The following GNAZ variants were observed in gnomAD, a reference collection of about 807,000 sequenced individuals.
GNAZ encodes the protein G protein subunit alpha z.
Under a neutral mutation model 25.4 loss-of-function variants are expected in GNAZ, and 3 were observed. The observed-to-expected ratio is 0.12, with a 90% CI of 0.05 to 0.30. The LOEUF (loss-of-function observed/expected upper bound fraction) is 0.30. Ranked by LOEUF, GNAZ falls within the 10% of genes least tolerant of loss-of-function variation. The pLI is 1.00. For missense variants in GNAZ, 241 were observed against 501.8 expected (o/e 0.48, Z 4.97); for synonymous variants, 211 against 205.7 (o/e 1.03, Z -0.22).
chr22:23,108,233 C>T (rs958037912), intron 2 of GNAZ, among the ~76,000 whole-genome samples: 1 of 152,248 alleles, frequency 6.6e-6, no homozygotes, highest in African/African-American at 2.4e-5. Flanking sequence ...CCATCCACCC[C>T]GTGCTGGGCA....
chr22:23,110,749 A>G (rs921664662), intron 2 of GNAZ, among the ~76,000 whole-genome samples: 1 of 152,186 alleles, frequency 6.6e-6, no homozygotes, highest in African/African-American at 2.4e-5. Flanking sequence ...GTCTGCAGAG[A>G]GTTCATGCCA....
chr22:23,116,532 G>A (rs2069840910), intron 2 of GNAZ, among the ~76,000 whole-genome samples: 1 of 152,238 alleles, frequency 6.6e-6, no homozygotes, highest in Admixed American at 6.5e-5. Flanking sequence ...CAGGACACCT[G>A]TGGTGGCCTG....
At chr22:23,112,513 G>A (rs979351695) in intron 2 of GNAZ, among the ~76,000 whole-genome samples, 5 of 152,162 alleles carry the variant, frequency 3.3e-5, no homozygotes, top group Admixed American at 2.0e-4. Flanking sequence ...GACACAGCAG[G>A]TCTGTGGCCA....
intron 1 of GNAZ, among the ~76,000 whole-genome samples, chr22:23,081,845 G>T (rs887738493): frequency 1.5e-5 from 2 of 130,576 alleles, no homozygotes; most frequent in Non-Finnish European, 1.6e-5. Flanking sequence ...AAAAAAAAAG[G>T]CCAGGCGCAG....
chr22:23,081,821 CAAAAAAAAAA>C (rs55713577), intron 1 of GNAZ, among the ~76,000 whole-genome samples: 1 of 46,746 alleles, frequency 2.1e-5, no homozygotes, highest in Non-Finnish European at 3.8e-5. Context: ...GATTCCATCT[CAAAAAAAAAA>C]AAAAAAAAAA....
In GNAZ at chr22:23,095,706, G is replaced by T; in HGVS notation, c.11G>T (p.Arg4Leu). 6.2e-7 allele frequency: 1 copy of T among 1,605,996 alleles called. No homozygotes were observed. Among genetic ancestry groups the T allele is most frequent in the South Asian group, 1.1e-5 (1 of 90,426 alleles). MGC[R>L]QSSEEKEAAR... ...CGCTGCTGCCAGACCATGGGATGTC[G>T]GCAAAGCTCAGAGGAAAAAGAAGCA... is the stretch of plus-strand genomic sequence containing the variant. The change falls in exon 2 of 3, where the codon CGG (arginine) becomes CTG (leucine). Residue 4 changes from arginine (R) to leucine (L), a missense_variant. By Grantham distance (102) the Arg-to-Leu change is moderately radical. Coordinates refer to ENST00000615612, the MANE Select transcript of GNAZ (RefSeq NM_002073.4).
At chr22:23,117,200 C>T (rs980052442) in intron 2 of GNAZ, among the ~76,000 whole-genome samples, 2 of 151,816 alleles carry the variant, frequency 1.3e-5, no homozygotes, top group Admixed American at 1.3e-4. Context: ...CTGTGCCCCA[C>T]AAACAGAGGG....
chr22:23,084,055 T>G (rs1011365006), intron 1 of GNAZ, among the ~76,000 whole-genome samples: 32 of 152,144 alleles, frequency 2.1e-4, no homozygotes, highest in African/African-American at 7.7e-4. Context: ...GGGTGAGCTA[T>G]GCAGGCGATC....
intron 1 of GNAZ, among the ~76,000 whole-genome samples, chr22:23,087,163 C>T (rs910387712): frequency 1.5e-4 from 23 of 152,242 alleles, no homozygotes; most frequent in African/African-American, 5.5e-4. Context: ...GGGGGCAGCA[C>T]CCACTCTTTA....
rs543629925 is a variant in GNAZ at position 23,105,665 on chromosome 22, G to A, written c.723+9247G>A. Among the ~76,000 whole-genome samples the A allele has an allele frequency of 3.9e-5, 6 of 152,342 alleles. No homozygotes were observed. In the South Asian group the frequency reaches 8.3e-4, roughly 21 times the overall value. On this transcript the variant is annotated intron_variant, in intron 2 of 2. Coordinates refer to ENST00000615612, the MANE Select transcript of GNAZ (RefSeq NM_002073.4). ...TGTGCTTTCTTCGCATGGTGATGGC[G>A]TGCAAGCTCCTGGCCAGGCCTGTGT...
chr22:23,091,626 A>G (rs937151318), intron 1 of GNAZ, among the ~76,000 whole-genome samples: 12 of 151,590 alleles, frequency 7.9e-5, no homozygotes, highest in African/African-American at 2.4e-4. Flanking sequence ...ATGCACCGCA[A>G]TGGACCTGCA....
intron 2 of GNAZ, among the ~76,000 whole-genome samples, chr22:23,108,302 T>C (rs763606141): frequency 9.2e-5 from 14 of 152,170 alleles, no homozygotes; most frequent in Admixed American, 3.3e-4. Flanking sequence ...CCATGGGCAA[T>C]GAGAACAGGG....
At chr22:23,113,040 C>T (rs1323391300) in intron 2 of GNAZ, among the ~76,000 whole-genome samples, 1 of 151,382 alleles carries the variant, frequency 6.6e-6, no homozygotes, top group East Asian at 1.9e-4. Context: ...GCATAGCAGC[C>T]CCCTCTGCCT....
At chr22:23,078,942 GA>G (rs1333283631) in intron 1 of GNAZ, among the ~76,000 whole-genome samples, 1 of 152,180 alleles carries the variant, frequency 6.6e-6, no homozygotes, top group East Asian at 1.9e-4. Context: ...TCCACCCAGG[GA>G]AGGCCACGGG....
intron 2 of GNAZ, among the ~76,000 whole-genome samples, chr22:23,117,526 G>A (rs551371339): frequency 6.6e-5 from 10 of 152,214 alleles, no homozygotes; most frequent in Non-Finnish European, 1.5e-4. Context: ...CTCATGCTGG[G>A]ACAGAGGGAA....
Position 23,123,239 on chromosome 22 carries a change from G to C in GNAZ, c.876G>C (p.Lys292Asn). The change falls in exon 3 of 3, where the codon AAG (lysine) becomes AAC (asparagine). Residue 292 changes from lysine (K) to asparagine (N), a missense_variant. By Grantham distance (94) the Lys-to-Asn change is moderately conservative. Coordinates refer to ENST00000615612, the MANE Select transcript of GNAZ (RefSeq NM_002073.4). ...TCACCATCTGCTTTCCCGAGTACAA[G>C]GGCCAGAACACGTACGAGGAGGCCG... ...IPLTICFPEY[K>N]GQNTYEEAAV... The C allele has an allele frequency of 6.2e-7, 1 of 1,614,188 alleles. No individual in the cohort carries two copies. The highest frequency in any genetic ancestry group is 8.5e-7 in the Non-Finnish European group (1 of 1,180,040).
At chr22:23,078,491 C>G (rs532875801) in intron 1 of GNAZ, among the ~76,000 whole-genome samples, 1 of 152,314 alleles carries the variant, frequency 6.6e-6, no homozygotes, top group South Asian at 2.1e-4. Context: ...ACACCCCCAT[C>G]TCTGTCGTGG....
chr22:23,101,415 C>G (rs898457284), intron 2 of GNAZ, among the ~76,000 whole-genome samples: 5 of 152,198 alleles, frequency 3.3e-5, no homozygotes, highest in Non-Finnish European at 1.5e-5. Flanking sequence ...TGTAGCCAGC[C>G]TTCCCTCAGG....
At chr22:23,104,651 G>C (rs763049617) in intron 2 of GNAZ, among the ~76,000 whole-genome samples, 21 of 152,240 alleles carry the variant, frequency 1.4e-4, no homozygotes, top group Non-Finnish European at 2.9e-4. Context: ...CAGACTCCAA[G>C]GTGGAGGCTA....
Sources: gnomAD v4.1 joint callset for allele counts (sites outside exome capture counted in the v4.1 genomes callset) on GRCh38, gnomAD v4.1.1 for gene constraint, MANE v1.5 for transcripts, NCBI Gene and HGNC (gene_info 2026-07-23, HGNC 2026-07-21) for gene names.